NKAIN3: variants seen among roughly 807,000 people sequenced by gnomAD.
NKAIN3 encodes the protein sodium/potassium transporting ATPase interacting 3, also known as sodium/potassium-transporting ATPase subunit beta-1-interacting protein 3.
Under a neutral mutation model 30.2 loss-of-function variants are expected in NKAIN3, and 25 were observed. That is an observed-to-expected ratio of 0.83 (90% confidence interval 0.60 to 1.16). The LOEUF is 1.16. NKAIN3 is among the 50% of genes most tolerant of loss of function. The pLI, the probability that NKAIN3 is intolerant of heterozygous loss-of-function variation, is 0.00. For synonymous variants in NKAIN3, 91 were observed against 89.6 expected (o/e 1.02, Z -0.09); for missense variants, 225 against 254.1 (o/e 0.89, Z 0.78).
chr8:62,598,555 G>A (rs1321621633), intron 3 of NKAIN3, among the ~76,000 whole-genome samples: 1 of 152,068 alleles, frequency 6.6e-6, no homozygotes, highest in Non-Finnish European at 1.5e-5. Flanking sequence ...CCTGGTATAA[G>A]AGGAAGTTCT....
chr8:62,635,763 A>G (rs931209212), intron 3 of NKAIN3, among the ~76,000 whole-genome samples: 5 of 152,172 alleles, frequency 3.3e-5, no homozygotes, highest in Non-Finnish European at 7.4e-5. Context: ...ACCTCCAGAT[A>G]TGTGAGAAAT....
At chr8:62,334,752 T>C (rs960852301) in intron 1 of NKAIN3, among the ~76,000 whole-genome samples, 1 of 152,052 alleles carries the variant, frequency 6.6e-6, no homozygotes, top group Non-Finnish European at 1.5e-5. Context: ...CAATTCTCCA[T>C]GTGGCATCCC....
chr8:62,857,541 T>G (rs1363550488), intron 4 of NKAIN3, among the ~76,000 whole-genome samples: 1 of 152,246 alleles, frequency 6.6e-6, no homozygotes, highest in African/African-American at 2.4e-5. Context: ...GTTTTGTTCA[T>G]TCCTTTACAT....
rs530884419 is a variant in NKAIN3, at chr8:62,436,653, C to T, written c.55-142886C>T. ...GAGACCATCTTCTTTTTCAGAAAGC[C>T]TAGTTTTGCTCACTTAATTAGGAGT... On this transcript the variant is annotated intron_variant, in intron 1 of 6. Coordinates refer to ENST00000623646, the MANE Select transcript of NKAIN3 (RefSeq NM_001304533.3). 7.2e-5 allele frequency among the ~76,000 whole-genome samples: 11 copies of T among 152,142 alleles called. No homozygotes were observed. The South Asian group carries it at 2.3e-3, about 32-fold the overall frequency.
At chr8:62,728,174 A>G (rs1297422557) in intron 3 of NKAIN3, among the ~76,000 whole-genome samples, 1 of 152,198 alleles carries the variant, frequency 6.6e-6, no homozygotes, top group Non-Finnish European at 1.5e-5. Flanking sequence ...TGGATCACAT[A>G]CACAAATGTA....
intron 1 of NKAIN3, among the ~76,000 whole-genome samples, chr8:62,426,407 C>T (rs992927890): frequency 2.0e-5 from 3 of 151,936 alleles, no homozygotes; most frequent in Non-Finnish European, 2.9e-5. Context: ...TAAGAATCTG[C>T]TTCTTCAAAG....
chr8:62,832,409 C>T (rs1035517963), intron 4 of NKAIN3, among the ~76,000 whole-genome samples: 7 of 151,822 alleles, frequency 4.6e-5, no homozygotes, highest in Non-Finnish European at 1.5e-5. Flanking sequence ...TCAATATTAA[C>T]CCTGAATGTA....
At chr8:62,330,324 CA>C (rs1358282532) in intron 1 of NKAIN3, among the ~76,000 whole-genome samples, 2 of 151,934 alleles carry the variant, frequency 1.3e-5, no homozygotes, top group Admixed American at 6.6e-5. Flanking sequence ...ACATGACTAC[CA>C]TTCAGAGTAT....
chr8:62,744,215 G>T (rs1024552307), intron 3 of NKAIN3, among the ~76,000 whole-genome samples: 3 of 152,030 alleles, frequency 2.0e-5, no homozygotes, highest in Non-Finnish European at 4.4e-5. Context: ...CTATATTTGG[G>T]GGTGTCATTT....
intron 1 of NKAIN3, among the ~76,000 whole-genome samples, chr8:62,518,217 A>G (rs974306199): frequency 8.5e-5 from 13 of 152,050 alleles, no homozygotes; most frequent in Admixed American, 3.9e-4. Flanking sequence ...AAAATTAGCC[A>G]GGCATGGTGG....
At chr8:62,571,624 C>A (rs1454199804) in intron 1 of NKAIN3, among the ~76,000 whole-genome samples, 1 of 152,156 alleles carries the variant, frequency 6.6e-6, no homozygotes, top group African/African-American at 2.4e-5. Flanking sequence ...TCCATGAGGG[C>A]CCCGCCACTG....
chr8:62,333,135 T>A (rs1043870447), intron 1 of NKAIN3, among the ~76,000 whole-genome samples: 1 of 152,134 alleles, frequency 6.6e-6, no homozygotes, highest in Non-Finnish European at 1.5e-5. Context: ...AATTTCTCTA[T>A]CAACTTTTCC....
chr8:62,816,834 T>C (rs1818699795), intron 4 of NKAIN3, among the ~76,000 whole-genome samples: 1 of 152,156 alleles, frequency 6.6e-6, no homozygotes, highest in Non-Finnish European at 1.5e-5. Flanking sequence ...CTGTAGCAAC[T>C]GTGTCAGAAA....
intron 1 of NKAIN3, among the ~76,000 whole-genome samples, chr8:62,488,847 G>A (rs1188532128): frequency 6.6e-6 from 1 of 152,124 alleles, no homozygotes; most frequent in Non-Finnish European, 1.5e-5. Context: ...TAGCTTCCAG[G>A]ACTACAAACT....
chr8:62,738,476 G>A (rs1160455367), intron 3 of NKAIN3, among the ~76,000 whole-genome samples: 1 of 151,712 alleles, frequency 6.6e-6, no homozygotes, highest in Non-Finnish European at 1.5e-5. Flanking sequence ...GCATGTGCCT[G>A]TAATCCCAGC....
intron 4 of NKAIN3, among the ~76,000 whole-genome samples, chr8:62,773,568 C>G (rs571977362): frequency 6.6e-6 from 1 of 152,172 alleles, no homozygotes; most frequent in South Asian, 2.1e-4. Context: ...TGCCATAATT[C>G]CCAAGTGCAG....
chr8:62,397,840 GAA>G (rs1272809117), intron 1 of NKAIN3, among the ~76,000 whole-genome samples: 1 of 152,122 alleles, frequency 6.6e-6, no homozygotes, highest in African/African-American at 2.4e-5. Context: ...AAAGGGAGCA[GAA>G]AGAGTTTGGA....
intron 1 of NKAIN3, among the ~76,000 whole-genome samples, chr8:62,545,510 A>G (rs1808975759): frequency 6.6e-6 from 1 of 152,208 alleles, no homozygotes; most frequent in Non-Finnish European, 1.5e-5. Context: ...TGGAGGTTGC[A>G]GTGAGCTGAG....
At chr8:62,502,486 A>G (rs1039173699) in intron 1 of NKAIN3, among the ~76,000 whole-genome samples, 1 of 151,736 alleles carries the variant, frequency 6.6e-6, no homozygotes, top group Non-Finnish European at 1.5e-5. Context: ...TCCTTCCCCT[A>G]CTTAATTTCT....
Sources: allele counts gnomAD v4.1 joint callset (sites outside exome capture counted in the v4.1 genomes callset), GRCh38; gene constraint gnomAD v4.1.1; transcripts MANE v1.5; gene names NCBI Gene and HGNC (gene_info 2026-07-23, HGNC 2026-07-21).